VIPR2: variants seen among roughly 807,000 people sequenced by gnomAD.
VIPR2 encodes the protein vasoactive intestinal polypeptide receptor 2.
A neutral mutation model predicts 58.0 loss-of-function variants in VIPR2; 48 were observed. The ratio of observed to expected loss-of-function variants is 0.83; its 90% CI spans 0.66 to 1.05. The LOEUF is 1.05. Ranked by LOEUF, VIPR2 falls within the 50% of genes least tolerant of loss-of-function variation. The probability of loss-of-function intolerance (pLI) is 0.00; values close to 1 mark genes in which losing one functional copy is unlikely to be tolerated. For missense variants in VIPR2, 534 were observed against 558.0 expected (o/e 0.96, Z 0.43); for synonymous variants, 243 against 235.2 (o/e 1.03, Z -0.30).
intron 5 of VIPR2, among the ~76,000 whole-genome samples, chr7:159,050,354 C>CA (rs11302236): frequency 0.015 from 2,043 of 139,150 alleles, 51 homozygotes; most frequent in African/African-American, 0.051. Context: ...CACAAAAAAA[C>CA]AAAAAAAAAA....
At chr7:159,135,592 A>G (rs1434091103) in intron 2 of VIPR2, among the ~76,000 whole-genome samples, 1 of 151,834 alleles carries the variant, frequency 6.6e-6, no homozygotes, top group East Asian at 1.9e-4. Context: ...GGAGGCCAAG[A>G]CGGGTGGATC....
chr7:159,074,055 T>C (rs1373166940), intron 4 of VIPR2, among the ~76,000 whole-genome samples: 2 of 152,142 alleles, frequency 1.3e-5, no homozygotes, highest in Non-Finnish European at 2.9e-5. Context: ...AAATAAAACA[T>C]GCAAAATGAA....
At chr7:159,036,067 G>A in intron 7 of VIPR2, 55 bp from the exon 8 acceptor site, 1 of 1,557,832 alleles carries the variant, frequency 6.4e-7, no homozygotes. Flanking sequence ...CACGCACACA[G>A]GTGGGTGCCT....
intron 4 of VIPR2, among the ~76,000 whole-genome samples, chr7:159,080,722 T>G (rs377187068): frequency 6.7e-6 from 1 of 150,308 alleles, no homozygotes; most frequent in Non-Finnish European, 1.5e-5. Flanking sequence ...AAAACCCCAT[T>G]GTCTCAGCCC....
chr7:159,139,454 A>T (rs567026084), intron 2 of VIPR2, among the ~76,000 whole-genome samples: 1 of 152,362 alleles, frequency 6.6e-6, no homozygotes, highest in African/African-American at 2.4e-5. Flanking sequence ...CTGGCCCAGC[A>T]TCTCACGTCT....
chr7:159,086,915 A>C (rs1307688856), intron 4 of VIPR2, among the ~76,000 whole-genome samples: 1 of 152,218 alleles, frequency 6.6e-6, no homozygotes, highest in African/African-American at 2.4e-5. Flanking sequence ...AGGTTCTGTG[A>C]ATAAAACATC....
In VIPR2 at chr7:159,031,552, G is replaced by A. The variant is rs900578710; in HGVS notation, c.1143+276C>T. 2 of 985,202 alleles carry A rather than the reference G, an allele frequency of 2.0e-6. No individual in the cohort carries two copies. Among genetic ancestry groups the A allele is most frequent in the African/African-American group, 1.7e-5 (1 of 57,206 alleles). The allele number at this position is 985,202 out of a possible 1,614,324, so 61.0% of individuals were successfully genotyped here. ...GGAAAAACAGATTCTGTCTAGACCC[G>A]GCCGGGAGCTTTCCCGAGAGGGCTC... On this transcript the variant is annotated intron_variant, in intron 12 of 12. Coordinates refer to ENST00000262178, the MANE Select transcript of VIPR2 (RefSeq NM_003382.5). The surrounding 1 kb of genome is among the most constrained non-coding windows in gnomAD (Gnocchi z 4.0).
chr7:159,040,084 T>C (rs568570774), intron 6 of VIPR2, among the ~76,000 whole-genome samples: 3 of 152,264 alleles, frequency 2.0e-5, no homozygotes, highest in South Asian at 2.1e-4. Flanking sequence ...CATCTCTGCA[T>C]TTTTTCCCAT....
intron 4 of VIPR2, among the ~76,000 whole-genome samples, chr7:159,060,680 C>G (rs189099224): frequency 6.6e-6 from 1 of 152,000 alleles, no homozygotes; most frequent in Admixed American, 6.5e-5. Flanking sequence ...CCTCACCTAA[C>G]CACTAACCTC....
chr7:159,087,952 C>G (rs1036820760), intron 4 of VIPR2, among the ~76,000 whole-genome samples: 1 of 152,242 alleles, frequency 6.6e-6, no homozygotes, highest in African/African-American at 2.4e-5. Flanking sequence ...CCCAAACAAA[C>G]AATACCCAAG....
chr7:159,036,754 C>A lies in VIPR2; in HGVS notation c.746G>T (p.Trp249Leu), dbSNP rs1216608119. 3 of 1,612,550 alleles carry A rather than the reference C, an allele frequency of 1.9e-6. No individual in the cohort carries two copies. In the South Asian group the frequency reaches 3.3e-5, roughly 18 times the overall value. The change falls in exon 7 of 13, where the codon TGG becomes TTG. Residue 249 changes from tryptophan (W) to leucine (L), a missense_variant and splice_region_variant. Trp to Leu is a moderately conservative substitution (Grantham distance 61, BLOSUM62 -2). Coordinates refer to ENST00000262178, the MANE Select transcript of VIPR2 (RefSeq NM_003382.5). ...TGGGTGGGAAGGGGCACACTTACCC[C>A]ATCCGATCAGGAGGTAGGCCAGGAA... ...RCFLAYLLIG[W>L]GLPTVCIGAW... is the part of the protein sequence containing the mutation.
At position 159,128,584 on chromosome 7, in the gene VIPR2, G is replaced by T. The variant is rs1444065620; in HGVS notation, c.151+13862C>A. ...TGACCCTGCCTTCTTTGCTCTCCAT[G>T]AAATTTCAGGAGGAGCATCCACTGC... is the stretch of plus-strand genomic sequence containing the variant. On this transcript the variant is annotated intron_variant, in intron 2 of 12. Coordinates refer to ENST00000262178, the MANE Select transcript of VIPR2 (RefSeq NM_003382.5). This position sits in a 1 kb window ranked among gnomAD's most constrained non-coding sequence, Gnocchi z 4.1. Among the ~76,000 whole-genome samples the T allele has an allele frequency of 6.6e-6, 1 of 152,110 alleles. No individual in the cohort carries two copies. The highest frequency in any genetic ancestry group is 1.5e-5 in the Non-Finnish European group (1 of 68,016).
chr7:159,034,690 C>G, intron 8 of VIPR2, 40 bp from the exon 9 acceptor site: 1 of 1,581,210 alleles, frequency 6.3e-7, no homozygotes, highest in African/African-American at 1.3e-5. Context: ...CCACCAACCA[C>G]TTTCGCAAGA....
intron 3 of VIPR2, among the ~76,000 whole-genome samples, chr7:159,104,350 A>G (rs967561202): frequency 3.4e-5 from 4 of 118,394 alleles, no homozygotes; most frequent in African/African-American, 1.3e-4. Context: ...CACCCTCGCC[A>G]CTGACGGTGA....
chr7:159,075,782 C>T (rs1191136964), intron 4 of VIPR2, among the ~76,000 whole-genome samples: 94 of 142,690 alleles, frequency 6.6e-4, no homozygotes, highest in Non-Finnish European at 1.3e-3. Flanking sequence ...CCCACGGACC[C>T]GCTGCATCAG....
chr7:159,064,049 G>A (rs1316513002), intron 4 of VIPR2, among the ~76,000 whole-genome samples: 1 of 152,028 alleles, frequency 6.6e-6, no homozygotes, highest in Admixed American at 6.5e-5. Context: ...CTCAGGCTCA[G>A]GCAGCACTGA....
rs182275779 is a variant in VIPR2, at chr7:159,052,542, T to G, written c.455+5939A>C. ...CCAAAAAATAGAAAAGAGAAAACAC[T>G]TTCCTCTTCACTTTATGGGCCAACA... On this transcript the variant is annotated intron_variant, in intron 5 of 12. Coordinates refer to ENST00000262178, the MANE Select transcript of VIPR2 (RefSeq NM_003382.5). Among the ~76,000 whole-genome samples the G allele has an allele frequency of 2.6e-5, 4 of 152,306 alleles. No individual in the cohort carries two copies. In the East Asian group the frequency reaches 7.7e-4, roughly 29 times the overall value.
At chr7:159,050,924 C>CTG (rs1185206161) in intron 5 of VIPR2, among the ~76,000 whole-genome samples, 1 of 152,224 alleles carries the variant, frequency 6.6e-6, no homozygotes, top group East Asian at 1.9e-4. Flanking sequence ...GCACTGGCAG[C>CTG]TGACTTTTCA....
rs2098349 is a variant in VIPR2 at position 159,058,543 on chromosome 7, T to A, written c.393A>T (p.Thr131=). Residue 131 remains threonine, a synonymous_variant, in exon 5 of 13, where the codon ACA becomes ACT. Coordinates refer to ENST00000262178, the MANE Select transcript of VIPR2 (RefSeq NM_003382.5). ...ACATCAGAGAGACACTGTAGCCCAGTGTATAAATGGCCTTCACCAGAATAT... is the reference window on the plus strand; with the variant it reads ...ACATCAGAGAGACACTGTAGCCCAGAGTATAAATGGCCTTCACCAGAATAT... The part of the protein sequence containing the change: ...TFYILVKAIY[T]LGYSVSLMSL... The A allele has an allele frequency of 3.1e-6, 5 of 1,613,258 alleles. No homozygotes were observed. Among genetic ancestry groups the A allele is most frequent in the East Asian group, 2.2e-5 (1 of 44,882 alleles).
Sources: allele counts gnomAD v4.1 joint callset (sites outside exome capture counted in the v4.1 genomes callset), GRCh38; gene constraint gnomAD v4.1.1; non-coding constraint Gnocchi (gnomAD v3.1); transcripts MANE v1.5; gene names NCBI Gene and HGNC (gene_info 2026-07-23, HGNC 2026-07-21).